The following SHQ1 variants were observed in gnomAD, a reference collection of about 807,000 sequenced individuals.
SHQ1 encodes SHQ1, H/ACA ribonucleoprotein assembly factor.
SHQ1 carries 49 observed loss-of-function variants against 53.8 expected under a neutral mutation model. The observed-to-expected ratio is 0.91, with a 90% CI of 0.72 to 1.16. The LOEUF is 1.16. Among genes scored for constraint, SHQ1 ranks in the 50% most tolerant of loss-of-function variants. The probability of loss-of-function intolerance (pLI) is 0.00; values close to 1 mark genes in which losing one functional copy is unlikely to be tolerated. For synonymous variants in SHQ1, 243 were observed against 251.0 expected (o/e 0.97, Z 0.30); for missense variants, 738 against 683.1 (o/e 1.08, Z -0.90).
At chr3:72,778,877 C>A (rs1706015536) in intron 10 of SHQ1, among the ~76,000 whole-genome samples, 1 of 152,208 alleles carries the variant, frequency 6.6e-6, no homozygotes, top group South Asian at 2.1e-4. Context: ...ATTCATTCAG[C>A]TGTGCAGGCT....
intron 10 of SHQ1, among the ~76,000 whole-genome samples, chr3:72,786,959 T>C (rs1317627450): frequency 6.6e-6 from 1 of 152,224 alleles, no homozygotes; most frequent in African/African-American, 2.4e-5. Flanking sequence ...GTTCTTAGCA[T>C]AATCCTATCC....
intron 10 of SHQ1, among the ~76,000 whole-genome samples, chr3:72,765,557 A>ATATATTTTTTT (rs1491527508): frequency 5.2e-5 from 3 of 57,186 alleles, no homozygotes; most frequent in African/African-American, 2.4e-4. Context: ...ATATATATAT[A>ATATATTTTTTT]TTTTTTTTTT....
At chr3:72,784,945 A>G (rs915076594) in intron 10 of SHQ1, among the ~76,000 whole-genome samples, 2 of 152,178 alleles carry the variant, frequency 1.3e-5, no homozygotes, top group African/African-American at 4.8e-5. Flanking sequence ...CTCCAGCTTC[A>G]CTTTCTTAGA....
At chr3:72,813,527 A>G (rs115642573) in intron 8 of SHQ1, among the ~76,000 whole-genome samples, 1 of 148,496 alleles carries the variant, frequency 6.7e-6, no homozygotes, top group South Asian at 2.1e-4. Context: ...GCACTTTGGG[A>G]GGCCGACGGG....
chr3:72,794,071 A>G (rs1369628361), intron 9 of SHQ1: 2 of 152,238 alleles, frequency 1.3e-5, no homozygotes, highest in African/African-American at 4.8e-5. Context: ...TTCTACATCT[A>G]GAGTAGTACC....
intron 9 of SHQ1, chr3:72,793,531 A>C (rs1706511122): frequency 6.6e-6 from 1 of 151,494 alleles, no homozygotes; most frequent in Non-Finnish European, 1.5e-5. Flanking sequence ...AAAAAGAATT[A>C]CATATAATCT....
At position 72,785,437 on chromosome 3, in the gene SHQ1, G is replaced by A. The variant is rs117670967; in HGVS notation, c.1181+7479C>T. Among the ~76,000 whole-genome samples, 71 of 152,286 alleles carry A rather than the reference G, an allele frequency of 4.7e-4. No individual in the cohort carries two copies. The East Asian group carries it at 0.013, about 28-fold the overall frequency. The stretch of plus-strand genomic sequence containing the variant: ...GTTCACTTGAGCTCTGGAGCTGGAG[G>A]TCACATAGCGAAATTCCACCTCTTA... On this transcript the variant is annotated intron_variant, in intron 10 of 10. Transcript: ENST00000325599.
At chr3:72,814,517 T>TA (rs1367500726) in intron 8 of SHQ1, 1 of 152,214 alleles carries the variant, frequency 6.6e-6, no homozygotes, top group Non-Finnish European at 1.5e-5. Context: ...AGTAAGATTC[T>TA]ATATGAAGTA....
chr3:72,820,938 T>C (rs1707456812), intron 6 of SHQ1, among the ~76,000 whole-genome samples: 1 of 152,174 alleles, frequency 6.6e-6, no homozygotes, highest in African/African-American at 2.4e-5. Flanking sequence ...TAGTCACTTT[T>C]CTCTTCCAAA....
chr3:72,780,682 G>A lies in SHQ1; in HGVS notation c.1181+12234C>T, dbSNP rs192691097. On this transcript the variant is annotated intron_variant, in intron 10 of 10. Coordinates refer to ENST00000325599, the MANE Select transcript of SHQ1 (RefSeq NM_018130.3). ...TGGGTTTATAGGATACATACACACC[G>A]AAAGTGGCAAGAGTCAGGAGAAGAG... Among the ~76,000 whole-genome samples the A allele has an allele frequency of 1.9e-3, 292 of 152,272 alleles. 2 individuals carry two copies. The highest frequency in any genetic ancestry group is 6.6e-3 in the African/African-American group (274 of 41,554).
intron 10 of SHQ1, among the ~76,000 whole-genome samples, chr3:72,763,688 A>T (rs1339627167): frequency 6.6e-6 from 1 of 152,228 alleles, no homozygotes; most frequent in Non-Finnish European, 1.5e-5. Context: ...CCATGTGAAG[A>T]CAGAGGCAGA....
intron 10 of SHQ1, among the ~76,000 whole-genome samples, chr3:72,770,355 C>T (rs955130604): frequency 1.3e-5 from 2 of 152,182 alleles, no homozygotes; most frequent in Admixed American, 6.5e-5. Context: ...AACCATAATA[C>T]TCTATGGCCT....
At chr3:72,845,896 T>C (rs1405429606) in intron 1 of SHQ1, among the ~76,000 whole-genome samples, 1 of 152,200 alleles carries the variant, frequency 6.6e-6, no homozygotes, top group Non-Finnish European at 1.5e-5. Flanking sequence ...GATGAGTTTG[T>C]TATAATGGTT....
In SHQ1 at chr3:72,749,840, A is replaced by C. The variant is rs1180564559; in HGVS notation, c.*444T>G. 1 of 224,588 alleles carries C rather than the reference A, an allele frequency of 4.5e-6. No individual in the cohort carries two copies. Among genetic ancestry groups the C allele is most frequent in the Non-Finnish European group, 8.9e-6 (1 of 112,860 alleles). 13.9% of individuals were successfully genotyped at this position (224,588 alleles called of 1,614,324 possible). On this transcript the variant is annotated 3_prime_UTR_variant, in exon 11 of 11. Coordinates refer to ENST00000325599, the MANE Select transcript of SHQ1 (RefSeq NM_018130.3). The stretch of plus-strand genomic sequence containing the variant: ...AGGTATAAACATTCATTGGTTGAAA[A>C]ACAATGTCATAAAGTTGTCCCCGTA...
downstream of SHQ1, among the ~76,000 whole-genome samples, chr3:72,745,476 T>C (rs908523610): frequency 2.6e-5 from 4 of 152,148 alleles, no homozygotes; most frequent in Admixed American, 2.6e-4. Context: ...AGGTCAATGA[T>C]AATGCAAGCC....
At chr3:72,758,285 G>A (rs1272725956) in intron 10 of SHQ1, among the ~76,000 whole-genome samples, 2 of 152,134 alleles carry the variant, frequency 1.3e-5, no homozygotes, top group Non-Finnish European at 2.9e-5. Context: ...AACAAGAAAC[G>A]ACTAACTTAA....
chr3:72,811,920 A>G lies in SHQ1; in HGVS notation c.1060+751T>C, dbSNP rs376962952. 7.2e-5 allele frequency among the ~76,000 whole-genome samples: 11 copies of G among 152,336 alleles called. No individual in the cohort carries two copies. The East Asian group carries it at 1.7e-3, about 24-fold the overall frequency. ...GGGGGAGAATATAAGAAATGACCATAAAGTACTAAAAGTGACTTTTAAATA... is the reference window on the plus strand; with the variant it reads ...GGGGGAGAATATAAGAAATGACCATGAAGTACTAAAAGTGACTTTTAAATA... On this transcript the variant is annotated intron_variant, in intron 9 of 10. Coordinates refer to ENST00000325599, the MANE Select transcript of SHQ1 (RefSeq NM_018130.3).
At position 72,793,017 on chromosome 3, in the gene SHQ1, C is replaced by G. The variant is rs1320378142; in HGVS notation, c.1080G>C (p.Lys360Asn). Reference protein sequence around the residue: ...ILQLGKSAVLKCLLDIHKIFQ... With the variant: ...ILQLGKSAVLNCLLDIHKIFQ... ...AAATTTTGTGAATATCCAGGAGACA[C>G]TTTAAAACTGCACTTTTACCTAAAG... The change falls in exon 10 of 11, where the codon AAG becomes AAC. Residue 360 changes from lysine (K) to asparagine (N), a missense_variant. Coordinates refer to ENST00000325599, the MANE Select transcript of SHQ1 (RefSeq NM_018130.3). 6.2e-7 allele frequency: 1 copy of G among 1,606,930 alleles called. No individual in the cohort carries two copies. The highest frequency in any genetic ancestry group is 1.7e-5 in the Admixed American group (1 of 58,966).
intron 9 of SHQ1, among the ~76,000 whole-genome samples, chr3:72,799,021 G>A (rs1267271596): frequency 2.0e-5 from 3 of 151,958 alleles, no homozygotes; most frequent in African/African-American, 7.3e-5. Context: ...CAAGACAAGA[G>A]GCCAAAATAA....
Sources: gnomAD v4.1 joint callset for allele counts (sites outside exome capture counted in the v4.1 genomes callset) on GRCh38, gnomAD v4.1.1 for gene constraint, MANE v1.5 for transcripts, NCBI Gene and HGNC (gene_info 2026-07-23, HGNC 2026-07-21) for gene names.